Variants in PRKN observed in about 807,000 individuals in gnomAD.
PRKN encodes the protein parkin RBR E3 ubiquitin protein ligase.
In PRKN, 56 loss-of-function variants were observed where a neutral mutation model predicts 59.5. The observed-to-expected ratio is 0.94, with a 90% CI of 0.76 to 1.18. The LOEUF is 1.18. PRKN is among the 50% of genes most tolerant of loss of function. The pLI is 0.00. For missense variants in PRKN, 657 were observed against 596.4 expected (o/e 1.10, Z -1.06); for synonymous variants, 250 against 222.1 (o/e 1.13, Z -1.12).
chr6:162,200,507 G>A lies in PRKN; in HGVS notation c.534+624C>T, dbSNP rs562778306. On this transcript the variant is annotated intron_variant, in intron 4 of 11. Transcript: ENST00000366898. Reference sequence around the variant, plus strand: ...GGACATGAGAATGTAAATTTCATGGGTCACATAATGTTATTCATCTTTTGA... The same window carrying A: ...GGACATGAGAATGTAAATTTCATGGATCACATAATGTTATTCATCTTTTGA... Among the ~76,000 whole-genome samples, 9 of 152,194 alleles carry A rather than the reference G, an allele frequency of 5.9e-5. 1 individual carries two copies. The highest frequency in any genetic ancestry group is 1.9e-4 in the African/African-American group (8 of 41,516).
At chr6:161,706,804 C>T (rs573069999) in intron 7 of PRKN, among the ~76,000 whole-genome samples, 5 of 152,138 alleles carry the variant, frequency 3.3e-5, no homozygotes, top group African/African-American at 7.2e-5. Context: ...GTGATCTAAC[C>T]GCCTCGGCCT....
intron 3 of PRKN, among the ~76,000 whole-genome samples, chr6:162,204,809 C>A (rs888243841): frequency 4.0e-5 from 6 of 151,578 alleles, no homozygotes; most frequent in Non-Finnish European, 8.8e-5. Context: ...CAGAGGTCCA[C>A]TGGCTTTCTA....
chr6:162,521,747 ATACT>A (rs1383598045), intron 1 of PRKN, among the ~76,000 whole-genome samples: 2 of 152,124 alleles, frequency 1.3e-5, no homozygotes, highest in Non-Finnish European at 2.9e-5. Context: ...TGTCAACCAA[ATACT>A]TACTGTTTAA....
intron 7 of PRKN, among the ~76,000 whole-genome samples, chr6:161,638,154 A>T: frequency 6.7e-6 from 1 of 149,572 alleles, no homozygotes. Context: ...TTTTTTCGAG[A>T]CTGAATCTCT....
rs1779937838 is a variant in PRKN at position 162,262,608 on chromosome 6, G to A, written c.329C>T (p.Ser110Leu). 1.2e-6 allele frequency: 2 copies of A among 1,613,718 alleles called. No individual in the cohort carries two copies. The highest frequency in any genetic ancestry group is 2.2e-5 in the South Asian group (2 of 91,086). The change falls in exon 3 of 12, where the codon TCA becomes TTA. Residue 110 changes from serine to leucine, a missense_variant. By Grantham distance (145) the Ser-to-Leu change is moderately radical. Coordinates refer to ENST00000366898, the MANE Select transcript of PRKN (RefSeq NM_004562.3). ...CCCCACAGAGTCTCCTGGGAGGACT[G>A]AGCTGCTGAGGTCCACCCGAGTCAA... ...QSLTRVDLSS[S>L]VLPGDSVGLA...
chr6:162,579,296 CA>C (rs1780687859), intron 1 of PRKN, among the ~76,000 whole-genome samples: 1 of 152,094 alleles, frequency 6.6e-6, no homozygotes, highest in South Asian at 2.1e-4. Context: ...AGCAAATACT[CA>C]GACCCAATAC....
At chr6:161,860,225 T>A (rs1237286940) in intron 6 of PRKN, among the ~76,000 whole-genome samples, 1 of 152,220 alleles carries the variant, frequency 6.6e-6, no homozygotes, top group Non-Finnish European at 1.5e-5. Context: ...CCCTGCCTTT[T>A]TGAGTGTATT....
chr6:161,436,438 C>T (rs749075531), intron 9 of PRKN, among the ~76,000 whole-genome samples: 13 of 135,178 alleles, frequency 9.6e-5, no homozygotes, highest in Middle Eastern at 3.7e-3. Context: ...TTTGGCCACT[C>T]TCTGCAAACT....
At chr6:162,263,999 C>T (rs1372655369) in intron 2 of PRKN, among the ~76,000 whole-genome samples, 6 of 152,060 alleles carry the variant, frequency 3.9e-5, no homozygotes, top group South Asian at 2.1e-4. Flanking sequence ...TGTGGCCGGC[C>T]GCAGTGGCTC....
intron 4 of PRKN, among the ~76,000 whole-genome samples, chr6:162,198,267 C>T (rs945520344): frequency 1.3e-5 from 2 of 152,040 alleles, no homozygotes; most frequent in Non-Finnish European, 1.5e-5. Context: ...GCCGAGACTA[C>T]AAAACACAGG....
chr6:161,953,800 T>A (rs548164217), intron 6 of PRKN, among the ~76,000 whole-genome samples: 10 of 152,212 alleles, frequency 6.6e-5, no homozygotes, highest in African/African-American at 2.4e-4. Context: ...AGGTGTGAGC[T>A]AGCACGACGC....
At chr6:162,576,065 G>C (rs1053238010) in intron 1 of PRKN, among the ~76,000 whole-genome samples, 1 of 152,148 alleles carries the variant, frequency 6.6e-6, no homozygotes, top group Non-Finnish European at 1.5e-5. Context: ...ACCACGCATG[G>C]CTTGAATCTT....
chr6:162,401,158 C>T (rs1321751753), intron 2 of PRKN, among the ~76,000 whole-genome samples: 2 of 151,462 alleles, frequency 1.3e-5, no homozygotes, highest in Non-Finnish European at 2.9e-5. Flanking sequence ...GGAGACAGAA[C>T]TACGATTAAA....
chr6:162,075,964 CTTTTT>C lies in PRKN; in HGVS notation c.535-21795_535-21791del, dbSNP rs201642343. Among the ~76,000 whole-genome samples, 26 of 132,964 alleles carry C rather than the reference CTTTTT, an allele frequency of 2.0e-4. 1 individual carries two copies. The highest frequency in any genetic ancestry group is 6.6e-4 in the African/African-American group (22 of 33,462). 87.2% of individuals were successfully genotyped at this position (132,964 alleles called of 152,430 possible). On this transcript the variant is annotated intron_variant, in intron 4 of 11. Coordinates refer to ENST00000366898, the MANE Select transcript of PRKN (RefSeq NM_004562.3). Reference sequence around the variant, plus strand: ...GTAGACATGAAAAAAGAAAGGCTTGCTTTTTTTTTTTTTTTTTTTTTTAAGACAGA... The same window carrying C: ...GTAGACATGAAAAAAGAAAGGCTTGCTTTTTTTTTTTTTTTTTAAGACAGA...
At chr6:161,739,386 C>T (rs775365154) in intron 7 of PRKN, among the ~76,000 whole-genome samples, 3 of 151,932 alleles carry the variant, frequency 2.0e-5, no homozygotes, top group Admixed American at 1.3e-4. Flanking sequence ...CCAGCCTGGG[C>T]GACAGCGAGA....
chr6:162,022,227 T>C (rs1783235798), intron 5 of PRKN, among the ~76,000 whole-genome samples: 1 of 152,196 alleles, frequency 6.6e-6, no homozygotes, highest in Non-Finnish European at 1.5e-5. Context: ...CAGGGTTGAA[T>C]GGGAGTTCTA....
chr6:162,318,613 CT>C (rs1358633405), intron 2 of PRKN, among the ~76,000 whole-genome samples: 1 of 151,946 alleles, frequency 6.6e-6, no homozygotes, highest in Non-Finnish European at 1.5e-5. Context: ...TTTTTACTTC[CT>C]TTTTTGTTGT....
chr6:162,491,708 G>A (rs1024872944), intron 1 of PRKN, among the ~76,000 whole-genome samples: 1 of 152,154 alleles, frequency 6.6e-6, no homozygotes, highest in African/African-American at 2.4e-5. Context: ...ATGCCTTTGA[G>A]GCCCATTCGT....
intron 2 of PRKN, among the ~76,000 whole-genome samples, chr6:162,319,178 ATAAAG>A (rs1318731353): frequency 1.3e-5 from 2 of 151,712 alleles, no homozygotes; most frequent in Non-Finnish European, 2.9e-5. Flanking sequence ...AAAAGGAAAA[ATAAAG>A]TAAACTAGTA....
Sources: gnomAD v4.1 joint callset for allele counts (sites outside exome capture counted in the v4.1 genomes callset) on GRCh38, gnomAD v4.1.1 for gene constraint, MANE v1.5 for transcripts, NCBI Gene and HGNC (gene_info 2026-07-23, HGNC 2026-07-21) for gene names.